EVL: variants seen among roughly 807,000 people sequenced by gnomAD.
The protein encoded by EVL is ena/VASP-like protein.
In EVL, 21 loss-of-function variants were observed where a neutral mutation model predicts 59.6. The ratio of observed to expected loss-of-function variants is 0.35; its 90% CI spans 0.25 to 0.51. The LOEUF is 0.51. EVL is among the 20% of genes least tolerant of loss of function. The pLI, the probability that EVL is intolerant of heterozygous loss-of-function variation, is 0.97. For missense variants in EVL, 462 were observed against 546.6 expected (o/e 0.85, Z 1.54); for synonymous variants, 198 against 203.5 (o/e 0.97, Z 0.23).
intron 4 of EVL, among the ~76,000 whole-genome samples, chr14:100,125,111 C>T (rs1482782611): frequency 2.1e-5 from 3 of 144,450 alleles, no homozygotes; most frequent in Non-Finnish European, 3.0e-5. Flanking sequence ...CACACCTGCC[C>T]CAAGGCGGGA....
rs146373223 is a variant in EVL, at chr14:100,047,785, G to C, written c.6-36902G>C. ...TACAAGTTACCCTACAGAGAGCTTG[G>C]ACACGTGGGTAGAAAGTCCAGAAAT... On this transcript the variant is annotated intron_variant, in intron 1 of 13. Coordinates refer to the EVL transcript ENST00000402714. Among the ~76,000 whole-genome samples the C allele has an allele frequency of 2.1e-3, 314 of 152,272 alleles. 1 individual carries two copies. Among genetic ancestry groups the C allele is most frequent in the Admixed American group, 3.2e-3 (49 of 15,298 alleles).
chr14:100,039,066 A>G (rs756965036), intron 1 of EVL, among the ~76,000 whole-genome samples: 11 of 152,150 alleles, frequency 7.2e-5, no homozygotes, highest in Non-Finnish European at 1.3e-4. Context: ...GAAGGGAAAA[A>G]GGACAGGTAA....
intron 13 of EVL, 191 bp downstream of exon 13, chr14:100,141,984 T>G: frequency 2.0e-6 from 1 of 493,780 alleles, no homozygotes; most frequent in Non-Finnish European, 3.6e-6. Flanking sequence ...GTGGCTTGCC[T>G]AAGAATTTGT....
intron 3 of EVL, among the ~76,000 whole-genome samples, chr14:100,100,811 G>GAAA (rs1886166328): frequency 4.8e-5 from 7 of 146,940 alleles, no homozygotes; most frequent in African/African-American, 1.8e-4. Flanking sequence ...AAAAAAAAAT[G>GAAA]GAAGTATGAA....
In EVL at chr14:100,038,384, T is replaced by A. The variant is rs1221133013; in HGVS notation, c.6-46303T>A. On this transcript the variant is annotated intron_variant, in intron 1 of 13. Transcript: ENST00000402714. ...TCTGTTGGGCCTTCAGAATATTTAA[T>A]TCTGACTTGCCATATCAAAGAGCAG... Among the ~76,000 whole-genome samples the A allele has an allele frequency of 3.3e-5, 5 of 152,166 alleles. 1 individual carries two copies. The highest frequency in any genetic ancestry group is 7.4e-5 in the Non-Finnish European group (5 of 68,026).
chr14:100,005,198 A>G (rs1210448440), intron 1 of EVL, among the ~76,000 whole-genome samples: 1 of 152,226 alleles, frequency 6.6e-6, no homozygotes, highest in Non-Finnish European at 1.5e-5. Flanking sequence ...TTTGGGAGGA[A>G]CTTAGTTTAT....
chr14:100,022,164 C>G (rs2061136519), intron 1 of EVL, among the ~76,000 whole-genome samples: 2 of 152,004 alleles, frequency 1.3e-5, no homozygotes, highest in South Asian at 2.1e-4. Flanking sequence ...GGAAGCACAT[C>G]CTGGGGCCGG....
intron 7 of EVL, among the ~76,000 whole-genome samples, chr14:100,131,658 G>A (rs1218993572): frequency 6.6e-6 from 1 of 152,226 alleles, no homozygotes; most frequent in Non-Finnish European, 1.5e-5. Flanking sequence ...GGGGGTAGCT[G>A]GTGAGGTGTA....
At chr14:100,094,095 A>T (rs971524912) in intron 2 of EVL, among the ~76,000 whole-genome samples, 1 of 152,188 alleles carries the variant, frequency 6.6e-6, no homozygotes, top group Non-Finnish European at 1.5e-5. Flanking sequence ...CCAATTCTGC[A>T]TGGATAAGCG....
intron 6 of EVL, 144 bp from the exon 7 acceptor site, chr14:100,129,419 T>C (rs1343370861): frequency 8.5e-7 from 1 of 1,173,964 alleles, no homozygotes; most frequent in Admixed American, 2.2e-5. Context: ...TGGAGAATAA[T>C]GGACCAGATG....
At position 100,128,535 on chromosome 14, in the gene EVL, A is replaced by G. The variant is rs1888223011; in HGVS notation, c.504A>G (p.Pro168=). ...GTGTTTCAGGGCCCATCCTCCCACC[A>G]GGACATCCTTCATCTGCAGCCAGCG... is the stretch of plus-strand genomic sequence containing the variant. ...RTSATGPILP[P]GHPSSAASAP... The change falls in exon 6 of 14, where the codon CCA becomes CCG. Residue 168 remains proline (P), a synonymous_variant. Coordinates refer to ENST00000392920, the MANE Select transcript of EVL (RefSeq NM_016337.3). 6.2e-7 allele frequency: 1 copy of G among 1,611,386 alleles called. No homozygotes were observed. The highest frequency in any genetic ancestry group is 1.1e-5 in the South Asian group (1 of 90,974).
chr14:99,971,546 C>T lies in EVL; in HGVS notation c.-507C>T, dbSNP rs1385970818. The T allele has an allele frequency of 2.6e-5, 4 of 151,844 alleles. No homozygotes were observed. The South Asian group carries it at 6.2e-4, about 24-fold the overall frequency. The allele number at this position is 151,844 out of a possible 1,614,324, so 9.4% of individuals were successfully genotyped here. On this transcript the variant is annotated 5_prime_UTR_variant, in exon 1 of 14. Coordinates refer to the EVL transcript ENST00000402714. The stretch of plus-strand genomic sequence containing the variant: ...GAGGGGCGCACGCGCGCGCAGTCCC[C>T]TCGGAGGGCGGTGGGGCGAACAGCA...
At chr14:100,052,270 G>C (rs2061659199) in intron 1 of EVL, among the ~76,000 whole-genome samples, 2 of 152,262 alleles carry the variant, frequency 1.3e-5, no homozygotes, top group Admixed American at 1.3e-4. Flanking sequence ...GAGCAGACAG[G>C]CTTTGCCAAT....
intron 4 of EVL, among the ~76,000 whole-genome samples, chr14:100,125,001 T>C (rs1328990488): frequency 1.3e-5 from 2 of 148,318 alleles, no homozygotes; most frequent in Non-Finnish European, 3.0e-5. Flanking sequence ...ACCACACACA[T>C]GCGCACACAC....
chr14:100,010,461 C>T (rs766045798), intron 1 of EVL, among the ~76,000 whole-genome samples: 1 of 152,102 alleles, frequency 6.6e-6, no homozygotes, highest in Non-Finnish European at 1.5e-5. Flanking sequence ...GCAACAAGAT[C>T]GTGCAGTGGC....
intron 1 of EVL, among the ~76,000 whole-genome samples, chr14:100,035,450 T>TA (rs1022109947): frequency 2.6e-5 from 4 of 152,088 alleles, no homozygotes; most frequent in Non-Finnish European, 5.9e-5. Flanking sequence ...TAGTTACTCT[T>TA]ACTGTTTCTA....
At chr14:100,116,650 C>T (rs570514696) in intron 3 of EVL, among the ~76,000 whole-genome samples, 15 of 152,242 alleles carry the variant, frequency 9.9e-5, no homozygotes, top group African/African-American at 3.4e-4. Flanking sequence ...CTGCCTACCC[C>T]GCGCCCACCA....
chr14:100,116,805 TTAG>T (rs1887379097), intron 3 of EVL, among the ~76,000 whole-genome samples: 2 of 152,162 alleles, frequency 1.3e-5, no homozygotes. Flanking sequence ...TGTGAACATT[TTAG>T]TATATTTCCT....
chr14:100,106,914 G>A (rs1002856727), intron 3 of EVL: 2 of 398,692 alleles, frequency 5.0e-6, no homozygotes, highest in Non-Finnish European at 8.8e-6. Context: ...AAGCCAGGAT[G>A]AGAACATGCT....
Sources: allele counts gnomAD v4.1 joint callset (sites outside exome capture counted in the v4.1 genomes callset), GRCh38; gene constraint gnomAD v4.1.1; transcripts MANE v1.5; gene names NCBI Gene and HGNC (gene_info 2026-07-23, HGNC 2026-07-21).